CCSER1: variants seen among roughly 807,000 people sequenced by gnomAD.
The protein encoded by CCSER1 is serine-rich coiled-coil domain-containing protein 1.
A neutral mutation model predicts 82.0 loss-of-function variants in CCSER1; 41 were observed. The observed-to-expected ratio is 0.50, with a 90% CI of 0.39 to 0.65. CCSER1 has a LOEUF of 0.65. CCSER1 is among the 30% of genes least tolerant of loss of function. The pLI, the probability that CCSER1 is intolerant of heterozygous loss-of-function variation, is 0.00. For missense variants in CCSER1, 1,119 were observed against 1,064.2 expected, an observed-to-expected ratio of 1.05 and a Z score of -0.72; for synonymous variants, 414 against 383.9, an observed-to-expected ratio of 1.08 and a Z score of -0.92.
At chr4:90,463,012 G>A in intron 4 of CCSER1, among the ~76,000 whole-genome samples, 1 of 152,000 alleles carries the variant, frequency 6.6e-6, no homozygotes, top group East Asian at 1.9e-4. Context: ...GTATTTGTAT[G>A]GTGAGTCAAA....
intron 10 of CCSER1, among the ~76,000 whole-genome samples, chr4:91,466,075 C>T (rs1756883433): frequency 6.6e-6 from 1 of 152,138 alleles, no homozygotes; most frequent in African/African-American, 2.4e-5. Context: ...GACCAATATC[C>T]CTGATGAACA....
At chr4:90,781,874 A>C (rs1282140673) in intron 7 of CCSER1, 1 of 929,676 alleles carries the variant, frequency 1.1e-6, no homozygotes, top group Admixed American at 6.2e-5. Context: ...TATGAAAGAC[A>C]GTAATAATGA....
At chr4:90,857,194 C>A (rs1299871404) in intron 8 of CCSER1, among the ~76,000 whole-genome samples, 1 of 152,048 alleles carries the variant, frequency 6.6e-6, no homozygotes, top group Non-Finnish European at 1.5e-5. Context: ...TCCTTTGGCT[C>A]AGCATCTCTC....
intron 7 of CCSER1, among the ~76,000 whole-genome samples, chr4:90,729,291 T>C (rs1381718794): frequency 6.6e-6 from 1 of 152,216 alleles, no homozygotes; most frequent in African/African-American, 2.4e-5. Flanking sequence ...GCCACTGAAC[T>C]CCTACTACTT....
intron 10 of CCSER1, among the ~76,000 whole-genome samples, chr4:91,526,598 A>G (rs1760775860): frequency 6.6e-6 from 1 of 152,032 alleles, no homozygotes; most frequent in Non-Finnish European, 1.5e-5. Context: ...TTCAGATCAT[A>G]TACTCTATTA....
intron 10 of CCSER1, among the ~76,000 whole-genome samples, chr4:91,254,099 G>GA (rs1289054412): frequency 1.3e-5 from 2 of 152,028 alleles, no homozygotes; most frequent in African/African-American, 4.8e-5. Context: ...CAAAAACACA[G>GA]AATTTAAGGG....
chr4:91,413,582 A>G (rs1333192814), intron 10 of CCSER1, among the ~76,000 whole-genome samples: 2 of 152,122 alleles, frequency 1.3e-5, no homozygotes, highest in Non-Finnish European at 2.9e-5. Context: ...GTGTGAATAT[A>G]TGAATTAAGA....
At chr4:90,210,092 A>G (rs1443308508) in intron 1 of CCSER1, among the ~76,000 whole-genome samples, 1 of 152,098 alleles carries the variant, frequency 6.6e-6, no homozygotes, top group Non-Finnish European at 1.5e-5. Flanking sequence ...TTTCCCTTCC[A>G]TGCTCTGTTT....
chr4:90,220,476 T>C (rs1381699756), intron 1 of CCSER1, among the ~76,000 whole-genome samples: 1 of 152,052 alleles, frequency 6.6e-6, no homozygotes, highest in Non-Finnish European at 1.5e-5. Context: ...TTTTTTTGCT[T>C]TCTGTGACTT....
chr4:90,212,323 G>A (rs1033092086), intron 1 of CCSER1, among the ~76,000 whole-genome samples: 1 of 152,088 alleles, frequency 6.6e-6, no homozygotes, highest in Non-Finnish European at 1.5e-5. Context: ...GGAAACTAAT[G>A]CATTTGAGTA....
At chr4:90,310,017 C>A (rs1735019027) in intron 2 of CCSER1, among the ~76,000 whole-genome samples, 1 of 151,928 alleles carries the variant, frequency 6.6e-6, no homozygotes, top group South Asian at 2.1e-4. Flanking sequence ...TGGATATATT[C>A]CAGCTAAAAT....
intron 5 of CCSER1, among the ~76,000 whole-genome samples, chr4:90,505,286 G>T (rs1239019028): frequency 6.6e-6 from 1 of 152,218 alleles, no homozygotes; most frequent in Non-Finnish European, 1.5e-5. Flanking sequence ...GACAATGGCA[G>T]ACTGCAACTG....
At chr4:90,720,054 T>A (rs1273610062) in intron 6 of CCSER1, among the ~76,000 whole-genome samples, 1 of 152,202 alleles carries the variant, frequency 6.6e-6, no homozygotes, top group Admixed American at 6.5e-5. Context: ...CTCTGTAGTA[T>A]GTTTTTTATG....
intron 10 of CCSER1, among the ~76,000 whole-genome samples, chr4:91,570,636 C>G (rs1196252725): frequency 6.6e-6 from 1 of 152,162 alleles, no homozygotes; most frequent in Non-Finnish European, 1.5e-5. Context: ...GCTGAAGCAG[C>G]TGGTATGCAG....
At chr4:90,138,420 T>A (rs1435050989) in intron 1 of CCSER1, among the ~76,000 whole-genome samples, 1 of 152,192 alleles carries the variant, frequency 6.6e-6, no homozygotes, top group Non-Finnish European at 1.5e-5. Context: ...CTGTTCTGAA[T>A]CCTACCCTAG....
Position 91,483,817 on chromosome 4 carries a change from G to A in CCSER1, c.2218-114755G>A, listed in dbSNP as rs190862452. On this transcript the variant is annotated intron_variant, in intron 10 of 10. Transcript: ENST00000509176. ...TATTCTGAAATTCAATTTCTCATGC[G>A]TTCTAACAATGCGAACTTCATGAAG... 3.1e-3 allele frequency among the ~76,000 whole-genome samples: 476 copies of A among 151,842 alleles called. 3 individuals are homozygous for A. Among genetic ancestry groups the A allele is most frequent in the African/African-American group, 0.011 (462 of 41,434 alleles).
intron 1 of CCSER1, among the ~76,000 whole-genome samples, chr4:90,129,638 CAG>C (rs1328527005): frequency 6.6e-6 from 1 of 152,132 alleles, no homozygotes; most frequent in Non-Finnish European, 1.5e-5. Flanking sequence ...AACCTATTGT[CAG>C]AGTGATTTGT....
chr4:90,970,863 G>T (rs1166806835), intron 9 of CCSER1, among the ~76,000 whole-genome samples: 2 of 151,682 alleles, frequency 1.3e-5, no homozygotes, highest in Non-Finnish European at 2.9e-5. Flanking sequence ...TAACTTGAGA[G>T]AAAGGAAAAT....
intron 10 of CCSER1, among the ~76,000 whole-genome samples, chr4:91,478,382 CAATAT>C (rs1229638541): frequency 6.6e-6 from 1 of 151,704 alleles, no homozygotes; most frequent in Non-Finnish European, 1.5e-5. Flanking sequence ...GTTATAGAAA[CAATAT>C]GTCATTTAGT....
Sources: gnomAD v4.1 joint callset for allele counts (sites outside exome capture counted in the v4.1 genomes callset) on GRCh38, gnomAD v4.1.1 for gene constraint, MANE v1.5 for transcripts, NCBI Gene and HGNC (gene_info 2026-07-23, HGNC 2026-07-21) for gene names.